The following ARHGAP6 variants were observed in gnomAD, a reference collection of about 807,000 sequenced individuals.
ARHGAP6 encodes Rho GTPase activating protein 6, also known as rho GTPase-activating protein 6.
Under a neutral mutation model 55.7 loss-of-function variants are expected in ARHGAP6, and 16 were observed. That is an observed-to-expected ratio of 0.29 (90% CI 0.19 to 0.44). The LOEUF (loss-of-function observed/expected upper bound fraction) is 0.44, where lower values mean the gene tolerates loss of function less well. Among genes scored for constraint, ARHGAP6 ranks in the 20% least tolerant of loss-of-function variants. The pLI is 1.00. For missense variants in ARHGAP6, 698 were observed against 808.9 expected (o/e 0.86, Z 1.66); for synonymous variants, 382 against 360.9 (o/e 1.06, Z -0.66).
intron 1 of ARHGAP6, among the ~76,000 whole-genome samples, chrX:11,290,776 G>A (rs904801199): frequency 8.9e-6 from 1 of 111,815 alleles, no homozygotes; most frequent in Non-Finnish European, 1.9e-5. Flanking sequence ...AGCCAGTGGA[G>A]AGGAACCCCA....
At chrX:11,254,992 C>G (rs191354531) in intron 1 of ARHGAP6, among the ~76,000 whole-genome samples, 44 of 111,255 alleles carry the variant, frequency 4.0e-4, no homozygotes, top group Admixed American at 1.8e-3. Flanking sequence ...GTCCTACTTC[C>G]TCCTTTTTAT....
intron 1 of ARHGAP6, among the ~76,000 whole-genome samples, chrX:11,645,600 A>G (rs931099983): frequency 4.5e-5 from 5 of 112,177 alleles, no homozygotes; most frequent in African/African-American, 9.7e-5. Context: ...TAAAGTTTCA[A>G]ATAAAGTTAT....
chrX:11,538,474 A>G (rs895410493), intron 1 of ARHGAP6, among the ~76,000 whole-genome samples: 3 of 111,609 alleles, frequency 2.7e-5, no homozygotes, highest in Non-Finnish European at 5.6e-5. Flanking sequence ...CACAAGCTGT[A>G]CCCCAAAAAT....
At chrX:11,335,701 C>T in intron 1 of ARHGAP6, 1 of 319,089 alleles carries the variant, frequency 3.1e-6, no homozygotes, top group Non-Finnish European at 6.0e-6. Flanking sequence ...TCTTATTGTC[C>T]CGGTAGGCAC....
At chrX:11,372,589 G>A (rs977455113) in intron 1 of ARHGAP6, among the ~76,000 whole-genome samples, 20 of 108,502 alleles carry the variant, frequency 1.8e-4, no homozygotes, top group Admixed American at 9.9e-5. Flanking sequence ...TGGCTAACAC[G>A]GTGAAACCCT....
At chrX:11,540,750 A>C (rs1047908859) in intron 1 of ARHGAP6, among the ~76,000 whole-genome samples, 1 of 112,634 alleles carries the variant, frequency 8.9e-6, no homozygotes, top group Non-Finnish European at 1.9e-5. Flanking sequence ...TGAACCTTCA[A>C]ATAAAGAAGG....
At chrX:11,175,406 T>C (rs2046198051) in intron 8 of ARHGAP6, among the ~76,000 whole-genome samples, 2 of 112,041 alleles carry the variant, frequency 1.8e-5, no homozygotes, top group African/African-American at 3.2e-5. Flanking sequence ...CAAGAGTGTC[T>C]AGAAACCCTC....
chrX:11,615,696 A>T (rs1165844167), intron 1 of ARHGAP6, among the ~76,000 whole-genome samples: 1 of 112,257 alleles, frequency 8.9e-6, no homozygotes, highest in Non-Finnish European at 1.9e-5. Context: ...GAGAAAATAC[A>T]TCAGTACTGA....
At chrX:11,566,907 C>A (rs2051448029) in intron 1 of ARHGAP6, among the ~76,000 whole-genome samples, 1 of 108,529 alleles carries the variant, frequency 9.2e-6, no homozygotes, top group Non-Finnish European at 2.0e-5. Context: ...ACAGCATGCT[C>A]AAACAATTTC....
At chrX:11,657,940 T>C (rs2052656939) in intron 1 of ARHGAP6, among the ~76,000 whole-genome samples, 1 of 111,955 alleles carries the variant, frequency 8.9e-6, no homozygotes. Context: ...AGAAGATTCT[T>C]GGAACTTAGG....
chrX:11,341,593 G>A (rs774682689), intron 1 of ARHGAP6, among the ~76,000 whole-genome samples: 15 of 111,710 alleles, frequency 1.3e-4, no homozygotes, highest in Admixed American at 9.5e-4. Context: ...GTACGCCCAC[G>A]CCTGACCTCT....
At chrX:11,560,213 C>T (rs571353677) in intron 1 of ARHGAP6, among the ~76,000 whole-genome samples, 1 of 111,448 alleles carries the variant, frequency 9.0e-6, no homozygotes, top group African/African-American at 3.3e-5. Context: ...TCTATATTCT[C>T]TATTTCAGTT....
intron 8 of ARHGAP6, among the ~76,000 whole-genome samples, chrX:11,172,400 G>A (rs1437539685): frequency 1.7e-4 from 19 of 111,148 alleles, no homozygotes; most frequent in African/African-American, 5.9e-4. Flanking sequence ...TCATGGTTAA[G>A]GTGAAAATCA....
rs192262669 is a variant in ARHGAP6, at chrX:11,333,946, T to G, written c.589-79239A>C. Among the ~76,000 whole-genome samples, 4 of 112,046 alleles carry G rather than the reference T, an allele frequency of 3.6e-5. No individual in the cohort carries two copies. In the East Asian group the frequency reaches 1.1e-3, roughly 31 times the overall value. On this transcript the variant is annotated intron_variant, in intron 1 of 12. Coordinates refer to ENST00000337414, the MANE Select transcript of ARHGAP6 (RefSeq NM_013427.3). ...CAAGTTTTTTGGTGCTATGAGTTTC[T>G]CACACATGTAAACCCTTTCGGAAAA...
At chrX:11,204,716 C>T (rs2046679404) in intron 2 of ARHGAP6, among the ~76,000 whole-genome samples, 1 of 112,073 alleles carries the variant, frequency 8.9e-6, no homozygotes, top group Admixed American at 9.5e-5. Context: ...TTTGCAGTCT[C>T]TCCAGCTACC....
rs138380214 is a variant in ARHGAP6, at chrX:11,232,105, G to A, written c.748+22443C>T. Among the ~76,000 whole-genome samples the A allele has an allele frequency of 4.8e-3, 537 of 111,873 alleles. 3 individuals are homozygous for A. The highest frequency in any genetic ancestry group is 0.015 in the African/African-American group (472 of 30,779). ...ATCAATTTTTTGTGTTGAGAACATC[G>A]CAAATGTCTTCTAGGTATTTTGAAA... is the stretch of plus-strand genomic sequence containing the variant. On this transcript the variant is annotated intron_variant, in intron 2 of 12. Transcript: ENST00000337414.
intron 1 of ARHGAP6, among the ~76,000 whole-genome samples, chrX:11,354,323 C>A (rs370302481): frequency 0.026 from 1,466 of 56,437 alleles, 27 homozygotes; most frequent in African/African-American, 0.04. Context: ...CTCTCTCTCT[C>A]TCTCTATATA....
intron 1 of ARHGAP6, among the ~76,000 whole-genome samples, chrX:11,263,961 C>T (rs1449028452): frequency 9.0e-6 from 1 of 111,225 alleles, no homozygotes; most frequent in Non-Finnish European, 1.9e-5. Context: ...TTATGAAAAC[C>T]ACAGCCACAC....
chrX:11,520,284 G>C (rs1353793405), intron 1 of ARHGAP6, among the ~76,000 whole-genome samples: 1 of 99,890 alleles, frequency 1.0e-5, no homozygotes, highest in South Asian at 4.8e-4. Flanking sequence ...TTAACATTAG[G>C]TATATCTCCT....
Sources: allele counts gnomAD v4.1 joint callset (sites outside exome capture counted in the v4.1 genomes callset), GRCh38; gene constraint gnomAD v4.1.1; transcripts MANE v1.5; gene names NCBI Gene and HGNC (gene_info 2026-07-23, HGNC 2026-07-21).